Variants in CACNA2D3 observed in about 807,000 individuals in gnomAD.
The protein encoded by CACNA2D3 is calcium voltage-gated channel auxiliary subunit alpha2delta 3.
In CACNA2D3, 60 loss-of-function variants were observed where a neutral mutation model predicts 160.6. The observed-to-expected ratio is 0.37, with a 90% CI of 0.30 to 0.46. CACNA2D3 has a LOEUF of 0.46. Ranked by LOEUF, CACNA2D3 falls within the 20% of genes least tolerant of loss-of-function variation. The pLI, the probability that CACNA2D3 is intolerant of heterozygous loss-of-function variation, is 1.00. For missense variants in CACNA2D3, 1,205 were observed against 1,365.0 expected (o/e 0.88, Z 1.85); for synonymous variants, 558 against 492.9 (o/e 1.13, Z -1.75).
chr3:54,473,673 AAACAAATT>A (rs1700776861), intron 4 of CACNA2D3, among the ~76,000 whole-genome samples: 1 of 152,238 alleles, frequency 6.6e-6, no homozygotes, highest in South Asian at 2.1e-4. Context: ...CAAGGAACAT[AAACAAATT>A]TACAAGGAAG....
intron 8 of CACNA2D3, among the ~76,000 whole-genome samples, chr3:54,578,724 C>T (rs1702628331): frequency 6.6e-6 from 1 of 152,236 alleles, no homozygotes; most frequent in African/African-American, 2.4e-5. Flanking sequence ...CGGATTCTTC[C>T]ACTGAGGCCA....
At chr3:54,790,047 C>T (rs1702719967) in intron 13 of CACNA2D3, among the ~76,000 whole-genome samples, 1 of 152,158 alleles carries the variant, frequency 6.6e-6, no homozygotes, top group South Asian at 2.1e-4. Context: ...ATTTATGTCA[C>T]TTATGGAGTG....
intron 14 of CACNA2D3, among the ~76,000 whole-genome samples, chr3:54,832,018 C>G (rs865963612): frequency 7.8e-6 from 1 of 127,530 alleles, no homozygotes. Flanking sequence ...CTGTCACACA[C>G]ACACACACAC....
intron 21 of CACNA2D3, among the ~76,000 whole-genome samples, chr3:54,884,534 G>A (rs941060578): frequency 6.6e-6 from 1 of 152,232 alleles, no homozygotes; most frequent in African/African-American, 2.4e-5. Flanking sequence ...CATCATGGGA[G>A]TTCCCGAGGT....
intron 13 of CACNA2D3, among the ~76,000 whole-genome samples, chr3:54,807,462 C>T (rs575297351): frequency 6.6e-6 from 1 of 152,258 alleles, no homozygotes; most frequent in Admixed American, 6.5e-5. Flanking sequence ...AAATGCTCAC[C>T]ATCACTGGCC....
chr3:54,428,648 G>T (rs1699944160), intron 4 of CACNA2D3, among the ~76,000 whole-genome samples: 1 of 147,792 alleles, frequency 6.8e-6, no homozygotes, highest in South Asian at 2.1e-4. Flanking sequence ...CCTTATTTCT[G>T]CTATCAACGA....
At chr3:54,780,597 T>G (rs1186501111) in intron 13 of CACNA2D3, among the ~76,000 whole-genome samples, 1 of 152,190 alleles carries the variant, frequency 6.6e-6, no homozygotes, top group Non-Finnish European at 1.5e-5. Flanking sequence ...CCATGAAGCT[T>G]CTTTAGCATT....
intron 9 of CACNA2D3, among the ~76,000 whole-genome samples, chr3:54,624,561 C>T (rs1310090233): frequency 6.6e-6 from 1 of 152,124 alleles, no homozygotes; most frequent in African/African-American, 2.4e-5. Flanking sequence ...GGCGGAGCTT[C>T]TGGTGAGCCG....
intron 4 of CACNA2D3, among the ~76,000 whole-genome samples, chr3:54,430,357 G>T (rs1006825680): frequency 2.0e-5 from 3 of 152,078 alleles, no homozygotes; most frequent in Non-Finnish European, 2.9e-5. Context: ...ATTGAGGTTG[G>T]GTCAGTAATA....
intron 3 of CACNA2D3, among the ~76,000 whole-genome samples, chr3:54,325,564 G>C (rs1360055184): frequency 6.6e-6 from 1 of 152,132 alleles, no homozygotes; most frequent in African/African-American, 2.4e-5. Context: ...CTGATTCAGA[G>C]GACCCTAAAT....
Position 54,517,052 on chromosome 3 carries a change from A to T in CACNA2D3, c.544+13398A>T, listed in dbSNP as rs529087103. On this transcript the variant is annotated intron_variant, in intron 5 of 37. Coordinates refer to ENST00000474759, the MANE Select transcript of CACNA2D3 (RefSeq NM_018398.3). The stretch of plus-strand genomic sequence containing the variant: ...TTTGCTTTTTCACAAACCACTTTAT[A>T]GTAGTCCCTTCTAAGGATCACACGG... Among the ~76,000 whole-genome samples, 9 of 152,354 alleles carry T rather than the reference A, an allele frequency of 5.9e-5. No homozygotes were observed. In the East Asian group the frequency reaches 1.7e-3, roughly 29 times the overall value.
chr3:54,826,249 C>A (rs181565854), intron 14 of CACNA2D3, among the ~76,000 whole-genome samples: 5 of 152,188 alleles, frequency 3.3e-5, no homozygotes, highest in Admixed American at 2.0e-4. Flanking sequence ...TAGCCCACTT[C>A]CATGAGAACT....
intron 2 of CACNA2D3, among the ~76,000 whole-genome samples, chr3:54,296,864 G>A (rs945607828): frequency 8.5e-5 from 13 of 152,182 alleles, no homozygotes; most frequent in Admixed American, 4.6e-4. Flanking sequence ...TGAATAAAAC[G>A]GGAGATTAGT....
intron 4 of CACNA2D3, among the ~76,000 whole-genome samples, chr3:54,392,550 G>A (rs1379732061): frequency 6.6e-6 from 1 of 152,196 alleles, no homozygotes; most frequent in Non-Finnish European, 1.5e-5. Context: ...GTGACATTCA[G>A]AGGGATAACA....
chr3:54,723,053 C>G (rs943881944), intron 11 of CACNA2D3, among the ~76,000 whole-genome samples: 2 of 152,230 alleles, frequency 1.3e-5, no homozygotes, highest in Non-Finnish European at 2.9e-5. Context: ...CTATAAGTCC[C>G]TGACTGAGGC....
chr3:54,372,426 G>A lies in CACNA2D3; in HGVS notation c.322-14289G>A, dbSNP rs139192183. Among the ~76,000 whole-genome samples the A allele has an allele frequency of 4.6e-5, 7 of 152,258 alleles. No homozygotes were observed. The East Asian group carries it at 1.4e-3, about 29-fold the overall frequency. ...GAGAGTTGCCAGAGTCCCTGCTGCA[G>A]GATGTAGGGTGAGGAGGGGAAAATA... On this transcript the variant is annotated intron_variant, in intron 3 of 37. Coordinates refer to ENST00000474759, the MANE Select transcript of CACNA2D3 (RefSeq NM_018398.3).
intron 30 of CACNA2D3, among the ~76,000 whole-genome samples, chr3:54,986,238 C>G (rs993736391): frequency 3.9e-5 from 6 of 152,106 alleles, no homozygotes; most frequent in Admixed American, 6.6e-5. Context: ...GTCTCTGTTT[C>G]AGCCATGAGC....
rs73070477 is a variant in CACNA2D3 at position 54,706,905 on chromosome 3, A to G, written c.1168-45694A>G. On this transcript the variant is annotated intron_variant, in intron 11 of 37. Coordinates refer to ENST00000474759, the MANE Select transcript of CACNA2D3 (RefSeq NM_018398.3). ...CTTTCCATCAGCTACTGTGAGATCC[A>G]TCACTCTGTTCCCTACCTCTGTTTC... 3.1e-3 allele frequency among the ~76,000 whole-genome samples: 470 copies of G among 152,338 alleles called. 2 individuals are homozygous for G. The highest frequency in any genetic ancestry group is 5.4e-3 in the Non-Finnish European group (365 of 68,034).
chr3:54,566,457 T>C (rs1234756795), intron 6 of CACNA2D3, among the ~76,000 whole-genome samples: 1 of 152,182 alleles, frequency 6.6e-6, no homozygotes, highest in African/African-American at 2.4e-5. Context: ...GTGGGACCCG[T>C]TTTCTACCTG....
Sources: gnomAD v4.1 joint callset for allele counts (sites outside exome capture counted in the v4.1 genomes callset) on GRCh38, gnomAD v4.1.1 for gene constraint, MANE v1.5 for transcripts, NCBI Gene and HGNC (gene_info 2026-07-23, HGNC 2026-07-21) for gene names.